Variants in PMS2 observed in about 807,000 individuals in gnomAD.
The protein encoded by PMS2 is PMS1 homolog 2, mismatch repair system component, also known as mismatch repair endonuclease PMS2.
In PMS2, 69 loss-of-function variants were observed where a neutral mutation model predicts 90.0. The ratio of observed to expected loss-of-function variants is 0.77; its 90% CI spans 0.63 to 0.94. The LOEUF (loss-of-function observed/expected upper bound fraction) is 0.94. Among genes scored for constraint, PMS2 ranks in the 40% least tolerant of loss-of-function variants. The probability of loss-of-function intolerance (pLI) is 0.00; values close to 1 mark genes in which losing one functional copy is unlikely to be tolerated. For synonymous variants in PMS2, 332 were observed against 375.1 expected (o/e 0.89, Z 1.33); for missense variants, 966 against 1,040.2 (o/e 0.93, Z 0.98).
chr7:5,999,341 G>T (rs1379598548), intron 5 of PMS2, 66 bp from the exon 6 acceptor site: 2 of 1,392,764 alleles, frequency 1.4e-6, no homozygotes, highest in African/African-American at 2.8e-5. Context: ...CACAGCTCAA[G>T]TTACAACATC....
chr7:5,988,089 A>G (rs1434101721), intron 10 of PMS2, among the ~76,000 whole-genome samples: 2 of 150,374 alleles, frequency 1.3e-5, no homozygotes, highest in Non-Finnish European at 3.0e-5. Context: ...CCACAACACA[A>G]TGCAATATGG....
chr7:6,008,880 G>T, intron 1 of PMS2, 117 bp downstream of exon 1: 5 of 1,294,064 alleles, frequency 3.9e-6, no homozygotes, highest in Middle Eastern at 2.5e-4. Flanking sequence ...GCCTCCAGGG[G>T]GCTGCCTCGC....
Position 5,987,588 on chromosome 7 carries a change from C to T in PMS2, c.1177G>A (p.Glu393Lys), listed in dbSNP as rs1243063129. ...NLIKMHAADL[E>K]KPMVEKQDQS... ...TCCTGCTTTTCTACCATGGGCTTTT[C>T]CAAATCCGCTGCATGCATTTTTATT... The change falls in exon 11 of 15, where the codon GAA becomes AAA. Residue 393 changes from glutamate (E) to lysine (K), a missense_variant. This residue lies in a region of PMS2 where 871 missense variants were observed against 802.4 expected (regional missense o/e 1.09). Transcript: ENST00000265849. 6.2e-7 allele frequency: 1 copy of T among 1,608,120 alleles called. No homozygotes were observed. Among genetic ancestry groups the T allele is most frequent in the Non-Finnish European group, 8.5e-7 (1 of 1,175,122 alleles).
rs751823062 is a variant in PMS2, at chr7:5,986,855, T to G, written c.1910A>C (p.Gln637Pro). ...GTAATTCTGTTCCCCTTCACTTTGC[T>G]GTGCTTCATGATGTAACTGCTTTAT... Reference protein sequence around the residue: ...KRIKQLHHEAQQSEGEQNYRK... With the variant: ...KRIKQLHHEAPQSEGEQNYRK... Residue 637 changes from glutamine (Q) to proline (P), a missense_variant, in exon 11 of 15, where the codon CAG becomes CCG. Gln to Pro is a moderately conservative substitution (Grantham distance 76, BLOSUM62 -1). Transcript: ENST00000265849. 2 of 1,614,084 alleles carry G rather than the reference T, an allele frequency of 1.2e-6. No homozygotes were observed. The highest frequency in any genetic ancestry group is 1.7e-6 in the Non-Finnish European group (2 of 1,179,974).
intron 8 of PMS2, among the ~76,000 whole-genome samples, chr7:5,993,655 G>C (rs1469936101): frequency 6.6e-6 from 1 of 150,776 alleles, no homozygotes; most frequent in Non-Finnish European, 1.5e-5. Context: ...GAGGTCAGGA[G>C]TTCGAGACCA....
intron 9 of PMS2, 105 bp from the exon 10 acceptor site, chr7:5,990,060 T>C (rs1783568395): frequency 1.5e-6 from 1 of 667,308 alleles, no homozygotes; most frequent in African/African-American, 1.9e-5. Context: ...TAGGCTGGAG[T>C]GCAGTGGCGC....
chr7:5,995,206 T>C (rs1784245183), intron 8 of PMS2, among the ~76,000 whole-genome samples: 1 of 152,012 alleles, frequency 6.6e-6, no homozygotes, highest in Non-Finnish European at 1.5e-5. Context: ...CCTGGTTATT[T>C]TTTGTATTTT....
In PMS2 at chr7:5,984,762, G is replaced by A. The variant is rs1356579174; in HGVS notation, c.2007-1771C>T. 2.0e-5 allele frequency among the ~76,000 whole-genome samples: 3 copies of A among 151,800 alleles called. No individual in the cohort carries two copies. In the East Asian group the frequency reaches 5.8e-4, roughly 29 times the overall value. ...ATCGTGCCAGTGCACTCCAGCCTGG[G>A]CGAAAGAGTGAGACTCTTGTCTCAA... On this transcript the variant is annotated intron_variant, in intron 11 of 14. Coordinates refer to ENST00000265849, the MANE Select transcript of PMS2 (RefSeq NM_000535.7).
intron 14 of PMS2, among the ~76,000 whole-genome samples, chr7:5,975,930 G>C (rs1189280105): frequency 7.8e-5 from 10 of 128,538 alleles, no homozygotes; most frequent in African/African-American, 2.4e-4. Flanking sequence ...TTTTTCTCTT[G>C]TCATTTCCTG....
chr7:6,003,245 G>C (rs548247983), intron 4 of PMS2: 1 of 151,062 alleles, frequency 6.6e-6, no homozygotes, highest in East Asian at 1.9e-4. Context: ...AGTGAGCCGA[G>C]ACTGTGCCAC....
intron 6 of PMS2, among the ~76,000 whole-genome samples, chr7:5,997,842 G>C (rs1784603463): frequency 1.3e-5 from 2 of 152,092 alleles, no homozygotes; most frequent in Admixed American, 1.3e-4. Flanking sequence ...AATCCCAACA[G>C]TTTCCTCTCC....
chr7:5,994,175 T>C (rs1349138679), intron 8 of PMS2, among the ~76,000 whole-genome samples: 1 of 146,440 alleles, frequency 6.8e-6, no homozygotes, highest in Admixed American at 6.8e-5. Context: ...GAGGTCAGGA[T>C]TTCAAGACCA....
At chr7:5,992,959 C>G (rs1470142627) in intron 8 of PMS2, among the ~76,000 whole-genome samples, 1 of 152,068 alleles carries the variant, frequency 6.6e-6, no homozygotes, top group African/African-American at 2.4e-5. Context: ...TAGAAATAAA[C>G]CAAAATATCA....
At chr7:6,008,319 C>T (rs1207450359) in intron 1 of PMS2, among the ~76,000 whole-genome samples, 3 of 152,118 alleles carry the variant, frequency 2.0e-5, no homozygotes, top group Admixed American at 1.3e-4. Context: ...TGCAAATGTG[C>T]TAGCCAAGAT....
In PMS2 at chr7:6,003,744, T is replaced by G. The variant is rs747771951; in HGVS notation, c.299A>C (p.Gln100Pro). Reference protein sequence around the residue: ...SKIQEFADLTQVETFGFRGEA... With the variant: ...SKIQEFADLTPVETFGFRGEA... ...CCCCCGAAAGCCAAAAGTTTCAACC[T>G]GAGTTAGGTCGGCAAACTCTTGAAT... is the stretch of plus-strand genomic sequence containing the variant. Residue 100 changes from glutamine to proline, a missense_variant, in exon 4 of 15, where the codon CAG (glutamine) becomes CCG (proline). Around this residue, in one of 2 missense-constraint regions of PMS2, gnomAD observed 871 missense variants for 802.4 expected, o/e 1.09. Transcript: ENST00000265849. 7.5e-6 allele frequency: 12 copies of G among 1,602,796 alleles called. No homozygotes were observed. The East Asian group carries it at 2.7e-4, about 36-fold the overall frequency.
At chr7:6,008,788 G>A (rs1260163365) in intron 1 of PMS2, among the ~76,000 whole-genome samples, 20 of 152,152 alleles carry the variant, frequency 1.3e-4, no homozygotes, top group Admixed American at 1.3e-3. Context: ...CCGCAGCCCA[G>A]GACCCCGAAG....
At chr7:5,999,564 GA>G (rs1784867272) in intron 5 of PMS2, among the ~76,000 whole-genome samples, 1 of 151,994 alleles carries the variant, frequency 6.6e-6, no homozygotes, top group African/African-American at 2.4e-5. Context: ...CTGAGGGCAG[GA>G]GGATCACTTG....
chr7:6,006,585 G>A (rs1209599924), intron 1 of PMS2, among the ~76,000 whole-genome samples: 17 of 152,042 alleles, frequency 1.1e-4, no homozygotes, highest in African/African-American at 2.9e-4. Flanking sequence ...TCCAGGAGGC[G>A]GAGGTTGCAG....
At chr7:5,998,074 T>G (rs1784632203) in intron 6 of PMS2, among the ~76,000 whole-genome samples, 1 of 150,974 alleles carries the variant, frequency 6.6e-6, no homozygotes, top group Non-Finnish European at 1.5e-5. Context: ...TGATAGGTAC[T>G]TTGTTTTTTT....
Sources: allele counts gnomAD v4.1 joint callset (sites outside exome capture counted in the v4.1 genomes callset), GRCh38; gene constraint gnomAD v4.1.1; regional missense constraint gnomAD v4.1.1; transcripts MANE v1.5; gene names NCBI Gene and HGNC (gene_info 2026-07-23, HGNC 2026-07-21).